Variants in EYS observed in about 807,000 individuals in gnomAD.
EYS encodes the protein protein eyes shut homolog.
Under a neutral mutation model 282.1 loss-of-function variants are expected in EYS, and 250 were observed. That is an observed-to-expected ratio of 0.89 (90% confidence interval 0.80 to 0.98). EYS has a LOEUF of 0.98. Among genes scored for constraint, EYS ranks in the 50% least tolerant of loss-of-function variants. EYS has a pLI of 0.00. For synonymous variants in EYS, 1,355 were observed against 1,282.9 expected (o/e 1.06, Z -1.20); for missense variants, 4,016 against 3,709.0 (o/e 1.08, Z -2.15).
intron 28 of EYS, among the ~76,000 whole-genome samples, chr6:64,406,629 C>A (rs775518479): frequency 6.6e-6 from 1 of 152,050 alleles, no homozygotes; most frequent in Non-Finnish European, 1.5e-5. Flanking sequence ...AAAAACAACT[C>A]CATCAAAAAG....
chr6:65,270,070 C>A (rs1022747538), intron 12 of EYS, among the ~76,000 whole-genome samples: 10 of 152,136 alleles, frequency 6.6e-5, no homozygotes, highest in Non-Finnish European at 1.2e-4. Flanking sequence ...GATATAGGTG[C>A]AACTTGAAAG....
chr6:65,513,275 C>A (rs551390683), intron 2 of EYS, among the ~76,000 whole-genome samples: 290 of 151,968 alleles, frequency 1.9e-3, no homozygotes, highest in Middle Eastern at 6.8e-3. Flanking sequence ...CAATAACAGG[C>A]TCTGAAATTG....
intron 24 of EYS, among the ~76,000 whole-genome samples, chr6:64,594,546 A>G (rs1379951019): frequency 1.3e-5 from 2 of 152,088 alleles, no homozygotes; most frequent in African/African-American, 4.8e-5. Flanking sequence ...TTGTAGGGAC[A>G]TGGATGAAGC....
At chr6:65,007,926 T>G (rs1771735376) in intron 13 of EYS, among the ~76,000 whole-genome samples, 1 of 152,164 alleles carries the variant, frequency 6.6e-6, no homozygotes, top group African/African-American at 2.4e-5. Context: ...TACTGCTAAA[T>G]CAGACACTAA....
intron 19 of EYS, among the ~76,000 whole-genome samples, chr6:64,867,595 T>C (rs1766463310): frequency 6.6e-6 from 1 of 151,704 alleles, no homozygotes; most frequent in African/African-American, 2.4e-5. Flanking sequence ...ATGCTTATCT[T>C]CTTAGCCTGT....
At chr6:65,492,090 A>C (rs1313615403) in intron 4 of EYS, among the ~76,000 whole-genome samples, 1 of 152,224 alleles carries the variant, frequency 6.6e-6, no homozygotes, top group Non-Finnish European at 1.5e-5. Context: ...TTGTTATGAC[A>C]GCTCTAGCAA....
chr6:64,520,679 G>C, intron 26 of EYS, among the ~76,000 whole-genome samples: 1 of 151,708 alleles, frequency 6.6e-6, no homozygotes, highest in East Asian at 1.9e-4. Flanking sequence ...ATTGAGTCAG[G>C]AGAAAAGATT....
chr6:65,457,328 C>T (rs548236139), intron 5 of EYS, among the ~76,000 whole-genome samples: 50 of 152,170 alleles, frequency 3.3e-4, no homozygotes, highest in African/African-American at 5.8e-4. Flanking sequence ...CCATGCTCAG[C>T]TAATTCTTTT....
intron 29 of EYS, among the ~76,000 whole-genome samples, chr6:64,360,327 G>T (rs186151860): frequency 6.6e-6 from 1 of 151,782 alleles, no homozygotes; most frequent in East Asian, 2.0e-4. Flanking sequence ...ACCTCATGTT[G>T]TGATATTTGG....
intron 14 of EYS, among the ~76,000 whole-genome samples, chr6:64,950,049 A>G (rs1486213968): frequency 6.6e-6 from 1 of 151,992 alleles, no homozygotes; most frequent in Non-Finnish European, 1.5e-5. Flanking sequence ...TTATTTTTAT[A>G]AACATTTAAG....
At chr6:65,528,658 G>A (rs1202162211) in intron 2 of EYS, among the ~76,000 whole-genome samples, 1 of 152,112 alleles carries the variant, frequency 6.6e-6, no homozygotes, top group African/African-American at 2.4e-5. Context: ...CCTGAACTAT[G>A]AGCCAATATA....
At chr6:64,999,871 C>G (rs113067841) in intron 13 of EYS, among the ~76,000 whole-genome samples, 6,256 of 152,224 alleles carry the variant, frequency 0.041, 145 homozygotes, top group South Asian at 0.087. Context: ...AAAACCACCT[C>G]CCTTCTGGCT....
At chr6:65,120,007 C>T (rs1319253578) in intron 12 of EYS, among the ~76,000 whole-genome samples, 1 of 151,674 alleles carries the variant, frequency 6.6e-6, no homozygotes, top group East Asian at 1.9e-4. Context: ...AAATTAGCCG[C>T]CGGGCGGGGT....
chr6:65,062,547 G>T (rs2150160345), intron 12 of EYS, among the ~76,000 whole-genome samples: 1 of 151,956 alleles, frequency 6.6e-6, no homozygotes, highest in Non-Finnish European at 1.5e-5. Context: ...AATCCAGTAA[G>T]AAAGTTAATG....
intron 33 of EYS, among the ~76,000 whole-genome samples, chr6:64,000,181 T>TCAG (rs1562142308): frequency 0.18 from 12,624 of 68,526 alleles, 2,503 homozygotes; most frequent in Non-Finnish European, 0.23. Flanking sequence ...TTTTTTTTTT[T>TCAG]TTTTTTTTTT....
intron 31 of EYS, among the ~76,000 whole-genome samples, chr6:64,131,649 T>C (rs1386654028): frequency 6.6e-6 from 1 of 152,150 alleles, no homozygotes; most frequent in Non-Finnish European, 1.5e-5. Context: ...TGACCTGAGC[T>C]GTGAGACTGA....
intron 14 of EYS, among the ~76,000 whole-genome samples, chr6:64,955,205 A>C (rs538775123): frequency 2.0e-5 from 3 of 151,342 alleles, no homozygotes; most frequent in African/African-American, 4.9e-5. Context: ...CAACCAACAA[A>C]AAAAAAATCT....
chr6:64,470,970 C>T (rs569016715), intron 26 of EYS, among the ~76,000 whole-genome samples: 11 of 152,234 alleles, frequency 7.2e-5, no homozygotes, highest in African/African-American at 2.6e-4. Flanking sequence ...GACATCCATA[C>T]ATAAAAAGCT....
intron 30 of EYS, among the ~76,000 whole-genome samples, chr6:64,261,194 A>T (rs773828953): frequency 6.6e-6 from 1 of 151,942 alleles, no homozygotes; most frequent in Admixed American, 6.6e-5. Flanking sequence ...ACCCTTCCCA[A>T]TTGGGAAAAC....
Sources: gnomAD v4.1 joint callset for allele counts (sites outside exome capture counted in the v4.1 genomes callset) on GRCh38, gnomAD v4.1.1 for gene constraint, MANE v1.5 for transcripts, NCBI Gene and HGNC (gene_info 2026-07-23, HGNC 2026-07-21) for gene names.